Variants in RORA observed in about 807,000 individuals in gnomAD.
RORA encodes RAR related orphan receptor A, also known as nuclear receptor ROR-alpha.
A neutral mutation model predicts 69.5 loss-of-function variants in RORA; 7 were observed. The observed-to-expected ratio is 0.10, with a 90% CI of 0.06 to 0.19. The LOEUF (loss-of-function observed/expected upper bound fraction) is 0.19. Ranked by LOEUF, RORA falls within the 10% of genes least tolerant of loss-of-function variation. The pLI is 1.00. For synonymous variants in RORA, 261 were observed against 240.8 expected (o/e 1.08, Z -0.78); for missense variants, 457 against 663.0 (o/e 0.69, Z 3.41).
chr15:61,066,708 G>A (rs1045150739), intron 1 of RORA, among the ~76,000 whole-genome samples: 8 of 151,656 alleles, frequency 5.3e-5, no homozygotes, highest in Admixed American at 6.6e-5. Flanking sequence ...GATTACAAGC[G>A]CGAGCCACTA....
rs369284158 is a variant in RORA at position 60,725,677 on chromosome 15, T to C, written c.167-46991A>G. On this transcript the variant is annotated intron_variant, in intron 1 of 10. Coordinates refer to ENST00000335670, the MANE Select transcript of RORA (RefSeq NM_134261.3). ...CTGTTTTATTCTTTTTGTTCTTTTT[T>C]GTACCCCCTCCCATGGAAATTTCTT... Among the ~76,000 whole-genome samples the C allele has an allele frequency of 1.8e-4, 28 of 152,372 alleles. No individual in the cohort carries two copies. In the South Asian group the frequency reaches 3.7e-3, roughly 20 times the overall value.
chr15:61,013,928 C>T (rs373169039), intron 1 of RORA, among the ~76,000 whole-genome samples: 3 of 151,926 alleles, frequency 2.0e-5, no homozygotes, highest in African/African-American at 4.8e-5. Context: ...CGTCTACAGG[C>T]GCCCGCCACC....
chr15:60,820,520 AAGG>A (rs991999299), intron 1 of RORA, among the ~76,000 whole-genome samples: 11 of 152,148 alleles, frequency 7.2e-5, no homozygotes, highest in African/African-American at 2.4e-4. Flanking sequence ...TTGCGTGAAG[AAGG>A]TTTAAGATTT....
chr15:60,674,909 G>A (rs778591620), intron 2 of RORA, among the ~76,000 whole-genome samples: 2 of 152,144 alleles, frequency 1.3e-5, no homozygotes, highest in Non-Finnish European at 2.9e-5. Flanking sequence ...TACAAGGACT[G>A]TAAACAAGGA....
intron 2 of RORA, among the ~76,000 whole-genome samples, chr15:60,590,632 G>C (rs571094706): frequency 1.3e-5 from 2 of 152,122 alleles, no homozygotes; most frequent in Admixed American, 6.5e-5. Flanking sequence ...TTTAACTGCA[G>C]AGGGCATTTA....
At chr15:60,620,936 A>ATAT (rs2069387331) in intron 2 of RORA, among the ~76,000 whole-genome samples, 1 of 152,234 alleles carries the variant, frequency 6.6e-6, no homozygotes, top group Non-Finnish European at 1.5e-5. Flanking sequence ...CAGGGCTGCC[A>ATAT]AGTGCTGCAA....
intron 1 of RORA, among the ~76,000 whole-genome samples, chr15:60,866,197 T>A (rs1455015922): frequency 2.0e-5 from 3 of 152,192 alleles, no homozygotes; most frequent in Non-Finnish European, 4.4e-5. Flanking sequence ...CCTCTTTATA[T>A]CCACCTCCCC....
At chr15:61,204,364 C>T (rs1371736009) in intron 1 of RORA, among the ~76,000 whole-genome samples, 2 of 152,158 alleles carry the variant, frequency 1.3e-5, no homozygotes, top group African/African-American at 2.4e-5. Flanking sequence ...GTGGATAAAT[C>T]GATTGTAATG....
intron 1 of RORA, among the ~76,000 whole-genome samples, chr15:60,989,617 G>A (rs1894311156): frequency 6.6e-6 from 1 of 152,186 alleles, no homozygotes; most frequent in Non-Finnish European, 1.5e-5. Context: ...TGGGGAAACT[G>A]AGGCAGGAAC....
intron 1 of RORA, among the ~76,000 whole-genome samples, chr15:61,145,240 G>C (rs937678672): frequency 6.6e-6 from 1 of 152,124 alleles, no homozygotes; most frequent in African/African-American, 2.4e-5. Context: ...TTTTGGAAAG[G>C]GAACTGAGCT....
At chr15:60,843,345 A>C (rs988215639) in intron 1 of RORA, among the ~76,000 whole-genome samples, 1 of 152,208 alleles carries the variant, frequency 6.6e-6, no homozygotes, top group Admixed American at 6.5e-5. Context: ...AGTAGCCATA[A>C]AGTCCAGGTA....
intron 1 of RORA, among the ~76,000 whole-genome samples, chr15:60,733,548 T>C (rs1595669176): frequency 6.6e-6 from 1 of 152,070 alleles, no homozygotes; most frequent in East Asian, 1.9e-4. Flanking sequence ...TATTGGGGGA[T>C]TAAAGAGGAT....
chr15:60,587,444 G>T (rs748865812), intron 2 of RORA, among the ~76,000 whole-genome samples: 1 of 152,094 alleles, frequency 6.6e-6, no homozygotes, highest in Non-Finnish European at 1.5e-5. Context: ...CTTCCTCCAG[G>T]GGAGGCATGA....
intron 1 of RORA, among the ~76,000 whole-genome samples, chr15:60,965,119 CA>C (rs1893517197): frequency 6.6e-6 from 1 of 152,092 alleles, no homozygotes. Flanking sequence ...AGTTATCCCT[CA>C]ATGAAGATAC....
chr15:60,559,979 G>A (rs902063557), intron 2 of RORA, among the ~76,000 whole-genome samples: 3 of 151,962 alleles, frequency 2.0e-5, no homozygotes, highest in African/African-American at 7.3e-5. Flanking sequence ...GTTTTCTTAA[G>A]GAAGCAACAT....
chr15:61,132,281 T>G (rs1488121512), intron 1 of RORA, among the ~76,000 whole-genome samples: 1 of 145,604 alleles, frequency 6.9e-6, no homozygotes, highest in Admixed American at 6.8e-5. Context: ...AATTATTAGG[T>G]TTTTTTTTTA....
chr15:60,841,152 T>C, intron 1 of RORA: 3 of 870,368 alleles, frequency 3.4e-6, no homozygotes, highest in Non-Finnish European at 4.1e-6. Flanking sequence ...CTCCACGCCA[T>C]CCCACAGCTG....
chr15:60,514,564 A>C, intron 4 of RORA, 52 bp downstream of exon 4: 1 of 1,585,502 alleles, frequency 6.3e-7, no homozygotes, highest in Non-Finnish European at 8.6e-7. Context: ...AGGTTTCAGA[A>C]GGCACTTTCA....
intron 1 of RORA, among the ~76,000 whole-genome samples, chr15:60,818,928 C>A (rs910442623): frequency 4.6e-5 from 7 of 152,150 alleles, no homozygotes; most frequent in African/African-American, 1.7e-4. Context: ...TTTTGCAAAA[C>A]CAGCCAAAGG....
Sources: gnomAD v4.1 joint callset for allele counts (sites outside exome capture counted in the v4.1 genomes callset) on GRCh38, gnomAD v4.1.1 for gene constraint, MANE v1.5 for transcripts, NCBI Gene and HGNC (gene_info 2026-07-23, HGNC 2026-07-21) for gene names.